Variants in NBAS observed in about 807,000 individuals in gnomAD.
NBAS encodes NBAS subunit of NRZ tethering complex.
NBAS carries 219 observed loss-of-function variants against 302.5 expected under a neutral mutation model. That is an observed-to-expected ratio of 0.72 (90% CI 0.65 to 0.81). The LOEUF is 0.81. Among genes scored for constraint, NBAS ranks in the 30% least tolerant of loss-of-function variants. NBAS has a pLI of 0.00. For missense variants in NBAS, 2,932 were observed against 2,841.6 expected (o/e 1.03, Z -0.72); for synonymous variants, 1,118 against 1,021.6 (o/e 1.09, Z -1.80).
chr2:15,542,875 A>AGGGATTTGC (rs143164254), intron 6 of NBAS, among the ~76,000 whole-genome samples: 5,934 of 152,320 alleles, frequency 0.039, 355 homozygotes, highest in African/African-American at 0.13. Context: ...TGCATCTGCA[A>AGGGATTTGC]GGGATTTGCT....
Position 15,275,542 on chromosome 2 carries a change from G to T in NBAS, c.5666C>A (p.Pro1889Gln). The T allele has an allele frequency of 1.2e-6, 2 of 1,614,036 alleles. No homozygotes were observed. The highest frequency in any genetic ancestry group is 1.7e-6 in the Non-Finnish European group (2 of 1,180,024). Reference sequence around the variant, plus strand: ...ATCTACCACAGTGATGAGGTCACCTGGGTGGAGACGATCAAAGTACTTCAT... The same window carrying T: ...ATCTACCACAGTGATGAGGTCACCTTGGTGGAGACGATCAAAGTACTTCAT... ...VCMKYFDRLH[P>Q]GDLITVVDAV... The change falls in exon 44 of 52, where the codon CCA becomes CAA. Residue 1889 changes from proline (P) to glutamine (Q), a missense_variant. Physicochemically the swap from Pro to Gln is moderately conservative, Grantham distance 76. Transcript: ENST00000281513.
At chr2:15,444,436 A>G (rs1026112335) in intron 21 of NBAS, among the ~76,000 whole-genome samples, 2 of 152,174 alleles carry the variant, frequency 1.3e-5, no homozygotes, top group African/African-American at 4.8e-5. Flanking sequence ...GGTGCTGGGA[A>G]AACTGGCTAG....
At chr2:15,019,108 T>A in the NBAS span, among the ~76,000 whole-genome samples, 1 of 152,200 alleles carries the variant, frequency 6.6e-6, no homozygotes, top group South Asian at 2.1e-4. Context: ...CATGTCTAAT[T>A]CCTTTCAAGG....
At chr2:15,143,452 C>T in the NBAS span, among the ~76,000 whole-genome samples, 10 of 152,176 alleles carry the variant, frequency 6.6e-5, no homozygotes, top group East Asian at 1.9e-3. Context: ...AAGAGTCAGT[C>T]GAACATGAAA....
chr2:14,972,040 G>C, the NBAS span, among the ~76,000 whole-genome samples: 2 of 151,462 alleles, frequency 1.3e-5, no homozygotes, highest in Non-Finnish European at 2.9e-5. Context: ...ATAACACAGA[G>C]ATATGTACAG....
At chr2:15,047,696 C>A in the NBAS span, among the ~76,000 whole-genome samples, 1 of 152,162 alleles carries the variant, frequency 6.6e-6, no homozygotes, top group African/African-American at 2.4e-5. Flanking sequence ...TGGGATTATA[C>A]AGGTAAAGGC....
chr2:15,539,107 A>G, intron 7 of NBAS, 116 bp downstream of exon 7: 2 of 1,398,306 alleles, frequency 1.4e-6, no homozygotes, highest in Non-Finnish European at 2.0e-6. Context: ...TTAAGTCCAC[A>G]GCTTATTATT....
At chr2:15,200,067 T>C (rs1046042185) in intron 48 of NBAS, among the ~76,000 whole-genome samples, 2 of 151,986 alleles carry the variant, frequency 1.3e-5, no homozygotes, top group African/African-American at 2.4e-5. Context: ...TATGCCTGGC[T>C]AATTTTTTTA....
intron 31 of NBAS, among the ~76,000 whole-genome samples, chr2:15,373,329 T>C (rs1674576469): frequency 6.6e-6 from 1 of 152,180 alleles, no homozygotes; most frequent in Admixed American, 6.5e-5. Flanking sequence ...TTACCTCTTT[T>C]GAGTCTAATA....
intron 12 of NBAS, among the ~76,000 whole-genome samples, chr2:15,478,805 T>C (rs1680302799): frequency 6.6e-6 from 1 of 152,192 alleles, no homozygotes; most frequent in Admixed American, 6.5e-5. Context: ...AATCCATTCA[T>C]ACTGTAATCT....
chr2:14,864,330 A>G, the NBAS span, among the ~76,000 whole-genome samples: 7 of 151,666 alleles, frequency 4.6e-5, no homozygotes, highest in African/African-American at 1.7e-4. Flanking sequence ...CAAAAAAAAA[A>G]AAAAAAAAGA....
chr2:15,161,531 T>G, the NBAS span, among the ~76,000 whole-genome samples: 1 of 152,130 alleles, frequency 6.6e-6, no homozygotes, highest in Non-Finnish European at 1.5e-5. Context: ...TGAGGAGAAC[T>G]TCAAGTGTCC....
At chr2:15,443,846 T>C (rs985262323) in intron 21 of NBAS, among the ~76,000 whole-genome samples, 18 of 152,084 alleles carry the variant, frequency 1.2e-4, no homozygotes, top group Non-Finnish European at 2.5e-4. Context: ...ACAAGCCTTC[T>C]TATACACCAA....
At chr2:15,120,785 T>C in the NBAS span, among the ~76,000 whole-genome samples, 3 of 152,224 alleles carry the variant, frequency 2.0e-5, no homozygotes, top group African/African-American at 7.2e-5. Flanking sequence ...CGAAAAGATG[T>C]GTGGGCGAGA....
chr2:15,349,460 T>C (rs1428938821), intron 35 of NBAS, among the ~76,000 whole-genome samples: 1 of 152,284 alleles, frequency 6.6e-6, no homozygotes, highest in Non-Finnish European at 1.5e-5. Flanking sequence ...AGTGTATCCA[T>C]ATCACTCTAG....
In NBAS at chr2:15,473,243, A is replaced by C. The variant is rs757778808; in HGVS notation, c.1704T>G (p.Val568=). 5 of 1,614,082 alleles carry C rather than the reference A, an allele frequency of 3.1e-6. No individual in the cohort carries two copies. Among genetic ancestry groups the C allele is most frequent in the Non-Finnish European group, 4.2e-6 (5 of 1,179,932 alleles). The change falls in exon 16 of 52, where the codon GTT becomes GTG. Residue 568 remains valine (V), a synonymous_variant. Transcript: ENST00000281513. ...ATACCAAATAATTCTGAATTGAAGCAACGTTGACCGCTGACTTCCTCCACT... is the reference window on the plus strand; with the variant it reads ...ATACCAAATAATTCTGAATTGAAGCCACGTTGACCGCTGACTTCCTCCACT... ...QRQWRKSAVN[V]ASIQNYLSKI...
the NBAS span, among the ~76,000 whole-genome samples, chr2:15,151,909 G>T: frequency 6.6e-6 from 1 of 152,014 alleles, no homozygotes; most frequent in African/African-American, 2.4e-5. Context: ...GTGCAGTGGC[G>T]CAATCTCGGC....
chr2:15,341,243 G>T (rs1374364007), intron 35 of NBAS, among the ~76,000 whole-genome samples: 3 of 151,956 alleles, frequency 2.0e-5, no homozygotes. Flanking sequence ...AAAATTAACC[G>T]GGTATGGTGG....
Position 15,409,517 on chromosome 2 carries a change from A to T in NBAS, c.2937+6029T>A, listed in dbSNP as rs184299224. ...GAAAATTTCTTAGATTATCTTCAAG[A>T]TTTCAATTCTTTAATTGTAGCCAAA... On this transcript the variant is annotated intron_variant, in intron 25 of 51. Coordinates refer to ENST00000281513, the MANE Select transcript of NBAS (RefSeq NM_015909.4). Among the ~76,000 whole-genome samples the T allele has an allele frequency of 3.5e-3, 536 of 152,292 alleles. 3 individuals are homozygous for T. The highest frequency in any genetic ancestry group is 6.4e-3 in the Non-Finnish European group (437 of 68,014).
Sources: gnomAD v4.1 joint callset for allele counts (sites outside exome capture counted in the v4.1 genomes callset) on GRCh38, gnomAD v4.1.1 for gene constraint, MANE v1.5 for transcripts, NCBI Gene and HGNC (gene_info 2026-07-23, HGNC 2026-07-21) for gene names.